TNFRSF6B: variants seen among roughly 807,000 people sequenced by gnomAD.
TNFRSF6B encodes the protein tumor necrosis factor receptor superfamily member 6B.
A neutral mutation model predicts 17.9 loss-of-function variants in TNFRSF6B; 23 were observed. That is an observed-to-expected ratio of 1.28 (90% CI 0.92 to 1.82). The LOEUF (loss-of-function observed/expected upper bound fraction) is 1.82. Among genes scored for constraint, TNFRSF6B ranks in the 40% most tolerant of loss-of-function variants. The probability of loss-of-function intolerance (pLI) is 0.00; values close to 1 mark genes in which losing one functional copy is unlikely to be tolerated. For missense variants in TNFRSF6B, 555 were observed against 437.2 expected (o/e 1.27, Z -2.40); for synonymous variants, 291 against 195.8 (o/e 1.49, Z -4.06).
intron 2 of TNFRSF6B, 67 bp downstream of exon 2, chr20:63,697,589 CTGCACG>C: frequency 1.4e-6 from 2 of 1,443,364 alleles, no homozygotes; most frequent in East Asian, 2.5e-5. Flanking sequence ...ACTCCTGCCC[CTGCACG>C]TGCATCTAGC....
At position 63,698,513 on chromosome 20, in the gene TNFRSF6B, A is replaced by T; in HGVS notation, c.853A>T (p.Met285Leu). ...RLLQALRVARMPGLERSVRER... is the reference protein window; with the variant it reads ...RLLQALRVARLPGLERSVRER... Reference sequence around the variant, plus strand: ...GCTGCAGGCGCTGCGCGTGGCCAGGATGCCCGGGCTGGAGCGGAGCGTCCG... The same window carrying T: ...GCTGCAGGCGCTGCGCGTGGCCAGGTTGCCCGGGCTGGAGCGGAGCGTCCG... The change falls in exon 3 of 3, where the codon ATG (methionine) becomes TTG (leucine). Residue 285 changes from methionine (M) to leucine (L), a missense_variant. Coordinates refer to ENST00000369996, the MANE Select transcript of TNFRSF6B (RefSeq NM_003823.4). The T allele has an allele frequency of 6.5e-7, 1 of 1,549,434 alleles. No individual in the cohort carries two copies. The highest frequency in any genetic ancestry group is 8.6e-7 in the Non-Finnish European group (1 of 1,156,446).
rs374556929 is a variant in TNFRSF6B at position 63,696,827 on chromosome 20, C to T, written c.60C>T (p.Ala20=). The part of the protein sequence containing the change: ...SLLCLVLALP[A]LLPVPAVRGV... Reference sequence around the variant, plus strand: ...TGTGCCTGGTGTTGGCGCTGCCTGCCCTGCTGCCGGTGCCGGCTGTACGCG... The same window carrying T: ...TGTGCCTGGTGTTGGCGCTGCCTGCTCTGCTGCCGGTGCCGGCTGTACGCG... Residue 20 remains alanine, a synonymous_variant, in exon 1 of 3, where the codon GCC becomes GCT. Transcript: ENST00000369996. 2.5e-6 allele frequency: 4 copies of T among 1,610,172 alleles called. No individual in the cohort carries two copies. The highest frequency in any genetic ancestry group is 3.4e-6 in the Non-Finnish European group (4 of 1,178,944).
Position 63,697,163 on chromosome 20 carries a change from TC to T in TNFRSF6B, c.398del (p.Pro133HisfsTer6). 1 of 1,569,922 alleles carries T rather than the reference TC, an allele frequency of 6.4e-7. No individual in the cohort carries two copies. Among genetic ancestry groups the T allele is most frequent in the South Asian group, 1.2e-5 (1 of 86,826 alleles). On this transcript the variant is annotated frameshift_variant, in exon 1 of 3. Coordinates refer to ENST00000369996, the MANE Select transcript of TNFRSF6B (RefSeq NM_003823.4). LOFTEE classifies it high-confidence loss of function. Reference protein sequence around the residue: ...AGFCLEHASCPPGAGVIAPGT... With the variant: ...AGFCLEHASCXPGAGVIAPGT... ...GTTTCTGCTTGGAGCACGCATCGTGTCCACCTGGTGCCGGCGTGATTGCCCC... is the reference window on the plus strand; with the variant it reads ...GTTTCTGCTTGGAGCACGCATCGTGTCACCTGGTGCCGGCGTGATTGCCCC...
Position 63,697,058 on chromosome 20 carries a change from G to T in TNFRSF6B, c.291G>T (p.Glu97Asp), listed in dbSNP as rs916170518. Reference protein sequence around the residue: ...RCRYCNVLCGEREEEARACHA... With the variant: ...RCRYCNVLCGDREEEARACHA... ...GCTACTGCAACGTCCTCTGCGGGGAGCGTGAGGAGGAGGCACGGGCTTGCC... is the reference window on the plus strand; with the variant it reads ...GCTACTGCAACGTCCTCTGCGGGGATCGTGAGGAGGAGGCACGGGCTTGCC... The change falls in exon 1 of 3, where the codon GAG becomes GAT. Residue 97 changes from glutamate to aspartate, a missense_variant. Physicochemically the swap from Glu to Asp is conservative, Grantham distance 45. Coordinates refer to ENST00000369996, the MANE Select transcript of TNFRSF6B (RefSeq NM_003823.4). The T allele has an allele frequency of 1.2e-6, 2 of 1,607,514 alleles. No individual in the cohort carries two copies. Among genetic ancestry groups the T allele is most frequent in the African/African-American group, 1.3e-5 (1 of 74,908 alleles).
At position 63,696,883 on chromosome 20, in the gene TNFRSF6B, G is replaced by A. The variant is rs144974329; in HGVS notation, c.116G>A (p.Arg39Gln). 2.1e-4 allele frequency: 333 copies of A among 1,611,820 alleles called. 3 individuals carry two copies. The African/African-American group carries it at 3.0e-3, about 14-fold the overall frequency. Residue 39 changes from arginine to glutamine, a missense_variant, in exon 1 of 3, where the codon CGG becomes CAG. Arg to Gln is a conservative substitution (Grantham distance 43). Coordinates refer to ENST00000369996, the MANE Select transcript of TNFRSF6B (RefSeq NM_003823.4). Reference sequence around the variant, plus strand: ...GCAGAAACACCCACCTACCCCTGGCGGGACGCAGAGACAGGGGAGCGGCTG... The same window carrying A: ...GCAGAAACACCCACCTACCCCTGGCAGGACGCAGAGACAGGGGAGCGGCTG... ...GVAETPTYPW[R>Q]DAETGERLVC...
rs1480225518 is a variant in TNFRSF6B, at chr20:63,696,808, T to C, written c.41T>C (p.Leu14Pro). 6.2e-7 allele frequency: 1 copy of C among 1,608,186 alleles called. No individual in the cohort carries two copies. ...GGGCCAGGCCTGTCGCTGCTGTGCC[T>C]GGTGTTGGCGCTGCCTGCCCTGCTG... ...LEGPGLSLLC[L>P]VLALPALLPV... The change falls in exon 1 of 3, where the codon CTG becomes CCG. Residue 14 changes from leucine to proline, a missense_variant. Leu to Pro is a moderately conservative substitution (Grantham distance 98). Coordinates refer to ENST00000369996, the MANE Select transcript of TNFRSF6B (RefSeq NM_003823.4).
Position 63,696,983 on chromosome 20 carries a change from G to A in TNFRSF6B, c.216G>A (p.Pro72=), listed in dbSNP as rs140118504. 75 of 1,608,370 alleles carry A rather than the reference G, an allele frequency of 4.7e-5. No homozygotes were observed. Among genetic ancestry groups the A allele is most frequent in the Admixed American group, 1.8e-4 (11 of 59,854 alleles). ...GAGACAGCCCCACGACGTGTGGCCC[G>A]TGTCCACCGCGCCACTACACGCAGT... ...CRRDSPTTCG[P]CPPRHYTQFW... The change falls in exon 1 of 3, where the codon CCG becomes CCA. Residue 72 remains proline (P), a synonymous_variant. Transcript: ENST00000369996.
Position 63,697,375 on chromosome 20 carries a change from T to G in TNFRSF6B, c.472T>G (p.Phe158Val). Reference protein sequence around the residue: ...TQCQPCPPGTFSASSSSSEQC... With the variant: ...TQCQPCPPGTVSASSSSSEQC... ...GTGCCAGCCGTGCCCCCCAGGCACCTTCTCAGCCAGCAGCTCCAGCTCAGA... is the reference window on the plus strand; with the variant it reads ...GTGCCAGCCGTGCCCCCCAGGCACCGTCTCAGCCAGCAGCTCCAGCTCAGA... Residue 158 changes from phenylalanine to valine, a missense_variant, in exon 2 of 3, where the codon TTC becomes GTC. Physicochemically the swap from Phe to Val is conservative, Grantham distance 50. Transcript: ENST00000369996. 1 of 1,612,154 alleles carries G rather than the reference T, an allele frequency of 6.2e-7. No homozygotes were observed. The highest frequency in any genetic ancestry group is 8.5e-7 in the Non-Finnish European group (1 of 1,179,716).
Position 63,696,995 on chromosome 20 carries a change from C to T in TNFRSF6B, c.228C>T (p.Arg76=), listed in dbSNP as rs1403264803. Residue 76 remains arginine, a synonymous_variant, in exon 1 of 3, where the codon CGC becomes CGT. Transcript: ENST00000369996. ...CGACGTGTGGCCCGTGTCCACCGCG[C>T]CACTACACGCAGTTCTGGAACTACC... ...SPTTCGPCPP[R]HYTQFWNYLE... The T allele has an allele frequency of 1.9e-6, 3 of 1,608,318 alleles. No individual in the cohort carries two copies. The highest frequency in any genetic ancestry group is 1.7e-6 in the Non-Finnish European group (2 of 1,179,254).
intron 2 of TNFRSF6B, 69 bp downstream of exon 2, chr20:63,697,591 G>T: frequency 7.0e-7 from 1 of 1,437,554 alleles, no homozygotes; most frequent in Non-Finnish European, 9.2e-7. Context: ...TCCTGCCCCT[G>T]CACGTGCATC....
At position 63,696,827 on chromosome 20, in the gene TNFRSF6B, C is replaced by G. The variant is rs374556929; in HGVS notation, c.60C>G (p.Ala20=). ...TGTGCCTGGTGTTGGCGCTGCCTGC[C>G]CTGCTGCCGGTGCCGGCTGTACGCG... ...SLLCLVLALP[A]LLPVPAVRGV... The change falls in exon 1 of 3, where the codon GCC becomes GCG. Residue 20 remains alanine (A), a synonymous_variant. Transcript: ENST00000369996. 8.1e-6 allele frequency: 13 copies of G among 1,610,172 alleles called. No individual in the cohort carries two copies. Among genetic ancestry groups the G allele is most frequent in the African/African-American group, 4.0e-5 (3 of 74,904 alleles).
intron 2 of TNFRSF6B, 40 bp downstream of exon 2, chr20:63,697,562 G>A: frequency 1.3e-6 from 2 of 1,500,772 alleles, no homozygotes; most frequent in Non-Finnish European, 1.8e-6. Context: ...CTGCAGGCCA[G>A]GCCCACTTGT....
chr20:63,697,573 G>A (rs1199762609), intron 2 of TNFRSF6B, 51 bp downstream of exon 2: 13 of 1,482,486 alleles, frequency 8.8e-6, no homozygotes, highest in Non-Finnish European at 1.2e-5. Flanking sequence ...GCCCACTTGT[G>A]CCCTCACTCC....
In TNFRSF6B at chr20:63,697,317, C is replaced by A. The variant is rs994754729; in HGVS notation, c.425-11C>A. The A allele has an allele frequency of 6.2e-7, 1 of 1,608,912 alleles. No individual in the cohort carries two copies. The highest frequency in any genetic ancestry group is 1.7e-5 in the Admixed American group (1 of 59,404). On this transcript the variant is annotated splice_polypyrimidine_tract_variant and intron_variant, in intron 1 of 2. Transcript: ENST00000369996. ...AGTTCCCCTGACCCTGTTCTTCCCT[C>A]CTGGCTGCAGGCACCCCCAGCCAGA...
chr20:63,697,178 C>T lies in TNFRSF6B; in HGVS notation c.411C>T (p.Gly137=), dbSNP rs189756453. The part of the protein sequence containing the change: ...LEHASCPPGA[G]VIAPGTPSQN... Reference sequence around the variant, plus strand: ...ACGCATCGTGTCCACCTGGTGCCGGCGTGATTGCCCCGGGTGAGAGCTGGG... The same window carrying T: ...ACGCATCGTGTCCACCTGGTGCCGGTGTGATTGCCCCGGGTGAGAGCTGGG... The change falls in exon 1 of 3, where the codon GGC becomes GGT. Residue 137 remains glycine, a synonymous_variant. Transcript: ENST00000369996. The T allele has an allele frequency of 3.6e-3, 5,621 of 1,561,662 alleles. 30 individuals carry two copies. Among genetic ancestry groups the T allele is most frequent in the Middle Eastern group, 0.021 (121 of 5,762 alleles).
At position 63,696,830 on chromosome 20, in the gene TNFRSF6B, G is replaced by A. The variant is rs781580521; in HGVS notation, c.63G>A (p.Leu21=). 6 of 1,610,424 alleles carry A rather than the reference G, an allele frequency of 3.7e-6. No individual in the cohort carries two copies. The highest frequency in any genetic ancestry group is 4.5e-5 in the East Asian group (2 of 44,822). Residue 21 remains leucine (L), a synonymous_variant, in exon 1 of 3, where the codon CTG becomes CTA. Transcript: ENST00000369996. The stretch of plus-strand genomic sequence containing the variant: ...GCCTGGTGTTGGCGCTGCCTGCCCT[G>A]CTGCCGGTGCCGGCTGTACGCGGAG... The part of the protein sequence containing the change: ...LLCLVLALPA[L]LPVPAVRGVA...
Position 63,696,830 on chromosome 20 carries a change from G to C in TNFRSF6B, c.63G>C (p.Leu21=), listed in dbSNP as rs781580521. Residue 21 remains leucine, a synonymous_variant, in exon 1 of 3, where the codon CTG becomes CTC. Coordinates refer to ENST00000369996, the MANE Select transcript of TNFRSF6B (RefSeq NM_003823.4). ...LLCLVLALPA[L]LPVPAVRGVA... is the part of the protein sequence containing the mutation. ...GCCTGGTGTTGGCGCTGCCTGCCCT[G>C]CTGCCGGTGCCGGCTGTACGCGGAG... The C allele has an allele frequency of 6.2e-7, 1 of 1,610,424 alleles. No homozygotes were observed. The highest frequency in any genetic ancestry group is 8.5e-7 in the Non-Finnish European group (1 of 1,178,982).
chr20:63,696,804 T>G lies in TNFRSF6B; in HGVS notation c.37T>G (p.Cys13Gly). Residue 13 changes from cysteine to glycine, a missense_variant, in exon 1 of 3, where the codon TGC (cysteine) becomes GGC (glycine). Coordinates refer to ENST00000369996, the MANE Select transcript of TNFRSF6B (RefSeq NM_003823.4). ...ALEGPGLSLLCLVLALPALLP... is the reference protein window; with the variant it reads ...ALEGPGLSLLGLVLALPALLP... ...GGAGGGGCCAGGCCTGTCGCTGCTG[T>G]GCCTGGTGTTGGCGCTGCCTGCCCT... 6.2e-7 allele frequency: 1 copy of G among 1,607,538 alleles called. No individual in the cohort carries two copies. Among genetic ancestry groups the G allele is most frequent in the Non-Finnish European group, 8.5e-7 (1 of 1,177,434 alleles).
Position 63,696,663 on chromosome 20 carries a change from GC to G in TNFRSF6B, c.-101del. ...CAGGATGGGCTTCTGGACTTGGGCG[GC>G]CCCTCCGCAGGCGGACCGGGGGCAA... On this transcript the variant is annotated 5_prime_UTR_variant, in exon 1 of 3. Coordinates refer to ENST00000369996, the MANE Select transcript of TNFRSF6B (RefSeq NM_003823.4). 7.7e-7 allele frequency: 1 copy of G among 1,303,484 alleles called. No homozygotes were observed. The highest frequency in any genetic ancestry group is 1.0e-6 in the Non-Finnish European group (1 of 979,052). The allele number at this position is 1,303,484 out of a possible 1,614,324, so 80.7% of individuals were successfully genotyped here. A position where few individuals can be genotyped will look rare whatever the true frequency, so the allele number is the denominator to read the frequency against.
Sources: gnomAD v4.1 joint callset for allele counts on GRCh38, gnomAD v4.1.1 for gene constraint, MANE v1.5 for transcripts, NCBI Gene and HGNC (gene_info 2026-07-23, HGNC 2026-07-21) for gene names.